Variants in ANKRD55 observed in about 807,000 individuals in gnomAD.
The protein encoded by ANKRD55 is ankyrin repeat domain 55.
A neutral mutation model predicts 60.6 loss-of-function variants in ANKRD55; 41 were observed. That is an observed-to-expected ratio of 0.68 (90% CI 0.53 to 0.88). The LOEUF (loss-of-function observed/expected upper bound fraction) is 0.88, where lower values mean the gene tolerates loss of function less well. Among genes scored for constraint, ANKRD55 ranks in the 40% least tolerant of loss-of-function variants. ANKRD55 has a pLI of 0.00. For synonymous variants in ANKRD55, 264 were observed against 290.3 expected (o/e 0.91, Z 0.92); for missense variants, 732 against 767.6 (o/e 0.95, Z 0.55).
intron 2 of ANKRD55, chr5:56,192,784 C>A: frequency 2.1e-6 from 2 of 968,932 alleles, no homozygotes; most frequent in Non-Finnish European, 1.6e-6. Flanking sequence ...ACACAGACAT[C>A]GCTGAAAACC....
intron 4 of ANKRD55, among the ~76,000 whole-genome samples, chr5:56,174,700 T>C (rs530404517): frequency 6.6e-6 from 1 of 151,960 alleles, no homozygotes; most frequent in African/African-American, 2.4e-5. Flanking sequence ...GGTGTGGTGG[T>C]GCATGCCTGT....
intron 8 of ANKRD55, among the ~76,000 whole-genome samples, chr5:56,117,217 G>C (rs757487569): frequency 1.3e-5 from 2 of 152,066 alleles, no homozygotes; most frequent in Non-Finnish European, 2.9e-5. Context: ...ATGCTTCACT[G>C]TCATTTTCCT....
chr5:56,117,744 G>A (rs1380781253), intron 8 of ANKRD55, among the ~76,000 whole-genome samples: 1 of 152,114 alleles, frequency 6.6e-6, no homozygotes, highest in Non-Finnish European at 1.5e-5. Flanking sequence ...GAGCCACCAT[G>A]CCTGGCTGAC....
intron 2 of ANKRD55, among the ~76,000 whole-genome samples, chr5:56,196,279 A>T (rs1378233676): frequency 1.3e-5 from 2 of 152,256 alleles, no homozygotes; most frequent in African/African-American, 4.8e-5. Flanking sequence ...TAAGGGAGCA[A>T]TAAATAGAAG....
At chr5:56,180,801 C>A (rs1232462672) in intron 3 of ANKRD55, among the ~76,000 whole-genome samples, 2 of 152,218 alleles carry the variant, frequency 1.3e-5, no homozygotes, top group Non-Finnish European at 2.9e-5. Context: ...TGTGACCTTG[C>A]TGAACTCACT....
At chr5:56,111,861 A>G in intron 9 of ANKRD55, 79 bp from the exon 10 acceptor site, 1 of 1,307,382 alleles carries the variant, frequency 7.6e-7, no homozygotes, top group Non-Finnish European at 1.0e-6. Context: ...CCGACCCCCT[A>G]TTCCACATGC....
At chr5:56,196,158 G>T (rs548612757) in intron 2 of ANKRD55, among the ~76,000 whole-genome samples, 2 of 152,050 alleles carry the variant, frequency 1.3e-5, no homozygotes, top group African/African-American at 4.8e-5. Context: ...TAATATTTCC[G>T]TGTCTCAATT....
intron 6 of ANKRD55, among the ~76,000 whole-genome samples, chr5:56,155,603 C>T (rs867034829): frequency 6.6e-6 from 1 of 152,208 alleles, no homozygotes; most frequent in African/African-American, 2.4e-5. Flanking sequence ...GATATTTGGC[C>T]TGGTCTGTTG....
At chr5:56,112,893 T>A (rs1489111193) in intron 9 of ANKRD55, among the ~76,000 whole-genome samples, 2 of 152,208 alleles carry the variant, frequency 1.3e-5, no homozygotes, top group African/African-American at 4.8e-5. Flanking sequence ...ATGAATGTTT[T>A]CTCTACAGGT....
chr5:56,120,857 C>T (rs949794421), intron 8 of ANKRD55, among the ~76,000 whole-genome samples: 1 of 150,532 alleles, frequency 6.6e-6, no homozygotes, highest in African/African-American at 2.5e-5. Flanking sequence ...CAAGATCGCG[C>T]CACTGCTACT....
chr5:56,231,274 T>C (rs963362013), intron 2 of ANKRD55, among the ~76,000 whole-genome samples: 3 of 152,208 alleles, frequency 2.0e-5, no homozygotes, highest in African/African-American at 7.2e-5. Context: ...TTGCTGTGAA[T>C]TGCTCACATG....
At chr5:56,116,916 G>C (rs1167946755) in intron 8 of ANKRD55, 134 bp from the exon 9 acceptor site, 2 of 959,624 alleles carry the variant, frequency 2.1e-6, no homozygotes, top group Non-Finnish European at 3.0e-6. Flanking sequence ...TATAGAAATA[G>C]TAAGTGTTAA....
At chr5:56,116,489 A>T (rs1756891365) in intron 9 of ANKRD55, 126 bp downstream of exon 9, 2 of 791,730 alleles carry the variant, frequency 2.5e-6, no homozygotes, top group Admixed American at 4.3e-5. Context: ...ACTATGTAAC[A>T]TTAATTATAT....
At chr5:56,136,542 A>G (rs574177177) in intron 7 of ANKRD55, among the ~76,000 whole-genome samples, 53 of 152,340 alleles carry the variant, frequency 3.5e-4, no homozygotes, top group African/African-American at 1.3e-3. Context: ...ACAACTGGAC[A>G]TCTACATGCA....
At chr5:56,157,172 G>T (rs1275211942) in intron 6 of ANKRD55, among the ~76,000 whole-genome samples, 1 of 152,202 alleles carries the variant, frequency 6.6e-6, no homozygotes, top group African/African-American at 2.4e-5. Context: ...TCGACTCAAG[G>T]TTTAATGGAT....
chr5:56,158,210 T>G (rs1758244659), intron 6 of ANKRD55, among the ~76,000 whole-genome samples: 1 of 152,010 alleles, frequency 6.6e-6, no homozygotes, highest in African/African-American at 2.4e-5. Flanking sequence ...TGCGGGGGCA[T>G]CTGCCCCAGA....
chr5:56,232,128 G>A (rs1306505529), intron 2 of ANKRD55, among the ~76,000 whole-genome samples: 2 of 152,116 alleles, frequency 1.3e-5, no homozygotes, highest in Non-Finnish European at 2.9e-5. Flanking sequence ...TTACACATAA[G>A]TATTACACGA....
Position 56,100,060 on chromosome 5 carries a change from A to C in ANKRD55, c.*123T>G, listed in dbSNP as rs1442040108. On this transcript the variant is annotated 3_prime_UTR_variant, in exon 12 of 12. Transcript: ENST00000341048. ...TGGAATAAAGAATTTCGAGTTATAA[A>C]ACTGATGGCTTATAGAATGCAGCTT... 7.6e-7 allele frequency: 1 copy of C among 1,316,588 alleles called. No homozygotes were observed. Among genetic ancestry groups the C allele is most frequent in the East Asian group, 2.3e-5 (1 of 42,948 alleles). 81.6% of individuals were successfully genotyped at this position (1,316,588 alleles called of 1,614,324 possible).
At position 56,100,169 on chromosome 5, in the gene ANKRD55, C is replaced by T. The variant is rs201196034; in HGVS notation, c.*14G>A. On this transcript the variant is annotated 3_prime_UTR_variant, in exon 12 of 12. Coordinates refer to ENST00000341048, the MANE Select transcript of ANKRD55 (RefSeq NM_024669.3). ...TACATATTCATCTACATTTCTGCAGCGAGTGGCCCACAGTTAATTTTCATC... is the reference window on the plus strand; with the variant it reads ...TACATATTCATCTACATTTCTGCAGTGAGTGGCCCACAGTTAATTTTCATC... 12 of 1,613,936 alleles carry T rather than the reference C, an allele frequency of 7.4e-6. No homozygotes were observed. In the South Asian group the frequency reaches 9.9e-5, roughly 13 times the overall value.
Sources: gnomAD v4.1 joint callset for allele counts (sites outside exome capture counted in the v4.1 genomes callset) on GRCh38, gnomAD v4.1.1 for gene constraint, MANE v1.5 for transcripts, NCBI Gene and HGNC (gene_info 2026-07-23, HGNC 2026-07-21) for gene names.